RADX: variants seen among roughly 807,000 people sequenced by gnomAD.
RADX encodes RPA1 related single stranded DNA binding protein, X-linked.
A neutral mutation model predicts 61.6 loss-of-function variants in RADX; 36 were observed. The observed-to-expected ratio is 0.58, with a 90% CI of 0.45 to 0.77. The LOEUF is 0.77. RADX is among the 30% of genes least tolerant of loss of function. RADX has a pLI of 0.00. For missense variants in RADX, 497 were observed against 651.1 expected (o/e 0.76, Z 2.58); for synonymous variants, 272 against 237.9 (o/e 1.14, Z -1.32).
chrX:106,643,928 T>G (rs1603048488), intron 10 of RADX, among the ~76,000 whole-genome samples: 1 of 111,823 alleles, frequency 8.9e-6, no homozygotes, highest in East Asian at 2.8e-4. Context: ...ATTTTTCCAT[T>G]TTTGAATGTC....
intron 11 of RADX, among the ~76,000 whole-genome samples, chrX:106,650,416 A>T (rs182011104): frequency 1.3e-4 from 14 of 110,547 alleles, no homozygotes; most frequent in Non-Finnish European, 2.6e-4. Flanking sequence ...CTTGGAAAAC[A>T]ATATCTACAG....
In RADX at chrX:106,640,579, G is replaced by A; in HGVS notation, c.1762G>A (p.Ala588Thr). Residue 588 changes from alanine to threonine, a missense_variant, in exon 10 of 14, where the codon GCA (alanine) becomes ACA (threonine). Ala to Thr is a moderately conservative substitution (Grantham distance 58). Around this residue, in one of 3 missense-constraint regions of RADX, gnomAD observed 267 missense variants for 306.9 expected, o/e 0.87. Transcript: ENST00000372548. ...TGCTAACAGACCCTCGACCTCTCAA[G>A]CAGCTAGAGTAGAAATTCAAGAAAG... ...RNANRPSTSQAARVEIQERNG... is the reference protein window; with the variant it reads ...RNANRPSTSQTARVEIQERNG... 8.3e-7 allele frequency: 1 copy of A among 1,198,170 alleles called. No individual in the cohort carries two copies. The highest frequency in any genetic ancestry group is 1.1e-6 in the Non-Finnish European group (1 of 888,700).
intron 10 of RADX, among the ~76,000 whole-genome samples, chrX:106,647,925 C>T (rs1313374320): frequency 1.8e-5 from 2 of 109,785 alleles, no homozygotes; most frequent in Non-Finnish European, 3.8e-5. Context: ...GTTATTAATC[C>T]CTTGTCAGAT....
chrX:106,652,019 C>CTT (rs202037491), intron 11 of RADX, among the ~76,000 whole-genome samples: 2 of 105,676 alleles, frequency 1.9e-5, no homozygotes, highest in African/African-American at 6.9e-5. Context: ...CCATCTCTCT[C>CTT]TTTTTTTTTT....
rs138418304 is a variant in RADX, at chrX:106,638,927, A to G, written c.1574-600A>G. 5.4e-5 allele frequency among the ~76,000 whole-genome samples: 6 copies of G among 111,595 alleles called. No individual in the cohort carries two copies. The East Asian group carries it at 1.7e-3, about 31-fold the overall frequency. On this transcript the variant is annotated intron_variant, in intron 8 of 13. Coordinates refer to ENST00000372548, the MANE Select transcript of RADX (RefSeq NM_018015.6). ...AATGATATATATTGTGTTTAACACA[A>G]TTGAGTGCTATCTTTAAATATGAAA...
rs768111415 is a variant in RADX, at chrX:106,640,669, A to T, written c.1852A>T (p.Asn618Tyr). ...TCAGTATTTCCAAACTACATCTACA[A>T]ATTTAAGTCTGAGCAATAAAATAAG... is the stretch of plus-strand genomic sequence containing the variant. Reference protein sequence around the residue: ...NSQYFQTTSTNLSLSNKIRIL... With the variant: ...NSQYFQTTSTYLSLSNKIRIL... Residue 618 changes from asparagine to tyrosine, a missense_variant, in exon 10 of 14, where the codon AAT becomes TAT. Physicochemically the swap from Asn to Tyr is moderately radical, Grantham distance 143. Transcript: ENST00000372548. The T allele has an allele frequency of 1.0e-5, 12 of 1,198,092 alleles. No individual in the cohort carries two copies. The highest frequency in any genetic ancestry group is 1.4e-5 in the Non-Finnish European group (12 of 886,816).
In RADX at chrX:106,612,085, C is replaced by G. The variant is rs199854559; in HGVS notation, c.5C>G (p.Ser2Cys). Residue 2 changes from serine (S) to cysteine (C), a missense_variant, in exon 1 of 14, where the codon TCT (serine) becomes TGT (cysteine). Around this residue, in one of 3 missense-constraint regions of RADX, gnomAD observed 34 missense variants for 29.1 expected, o/e 1.17. Coordinates refer to ENST00000372548, the MANE Select transcript of RADX (RefSeq NM_018015.6). ...CGGGTACGCAGTTATCCAACAATGT[C>G]TGGTGAGTCAGGACAGCCTGAGGCT... M[S>C]GESGQPEAGP... The G allele has an allele frequency of 7.3e-5, 88 of 1,202,162 alleles. No homozygotes were observed. The highest frequency in any genetic ancestry group is 9.8e-5 in the Non-Finnish European group (87 of 891,461).
chrX:106,638,855 T>A, intron 8 of RADX, among the ~76,000 whole-genome samples: 1 of 110,698 alleles, frequency 9.0e-6, no homozygotes, highest in South Asian at 3.9e-4. Flanking sequence ...AGACACTGGG[T>A]AACTTGATAT....
chrX:106,636,404 A>C, intron 6 of RADX, 139 bp from the exon 7 acceptor site: 1 of 426,970 alleles, frequency 2.3e-6, no homozygotes, highest in South Asian at 4.3e-5. Flanking sequence ...AGACCTACTG[A>C]ATCTGAATTT....
In RADX at chrX:106,640,679, T is replaced by C; in HGVS notation, c.1862T>C (p.Leu621Pro). 1 of 1,198,798 alleles carries C rather than the reference T, an allele frequency of 8.3e-7. No homozygotes were observed. Among genetic ancestry groups the C allele is most frequent in the Non-Finnish European group, 1.1e-6 (1 of 886,776 alleles). The change falls in exon 10 of 14, where the codon CTG (leucine) becomes CCG (proline). Residue 621 changes from leucine to proline, a missense_variant. Physicochemically the swap from Leu to Pro is moderately conservative, Grantham distance 98. Coordinates refer to ENST00000372548, the MANE Select transcript of RADX (RefSeq NM_018015.6). ...CAAACTACATCTACAAATTTAAGTC[T>C]GAGCAATAAAATAAGAATTCTTCAA... ...YFQTTSTNLS[L>P]SNKIRILQGP...
rs761703204 is a variant in RADX, at chrX:106,637,753, C to T, written c.1409-7C>T. On this transcript the variant is annotated splice_region_variant and splice_polypyrimidine_tract_variant and intron_variant, in intron 7 of 13. Coordinates refer to ENST00000372548, the MANE Select transcript of RADX (RefSeq NM_018015.6). Reference sequence around the variant, plus strand: ...CATTTTTTATGATTTACCCTTCCCGCGAGGAGGTCATAGAGGCCAGCCGTA... The same window carrying T: ...CATTTTTTATGATTTACCCTTCCCGTGAGGAGGTCATAGAGGCCAGCCGTA... The T allele has an allele frequency of 8.8e-6, 10 of 1,135,085 alleles. No individual in the cohort carries two copies. The highest frequency in any genetic ancestry group is 6.9e-5 in the South Asian group (3 of 43,309). The allele number at this position is 1,135,085 out of a possible 1,213,427, so 93.5% of individuals were successfully genotyped here.
In RADX at chrX:106,632,985, T is replaced by A; in HGVS notation, c.1142T>A (p.Leu381Ter). The A allele has an allele frequency of 8.3e-7, 1 of 1,210,155 alleles. No individual in the cohort carries two copies. The highest frequency in any genetic ancestry group is 3.0e-5 in the East Asian group (1 of 33,826). ...TGCATCTGTGATGTTATTGGCCTTT[T>A]AGTTTTTGTAGGAAGGGTCCAGCGG... ...ENCICDVIGLLVFVGRVQRSK... is the reference protein window; with the variant it reads ...ENCICDVIGL Residue 381 changes from leucine to a stop codon, truncating the protein, a stop_gained, in exon 5 of 14, where the codon TTA becomes TAA. Coordinates refer to ENST00000372548, the MANE Select transcript of RADX (RefSeq NM_018015.6). LOFTEE classifies it high-confidence loss of function.
chrX:106,646,536 A>G (rs191639406), intron 10 of RADX, among the ~76,000 whole-genome samples: 35 of 111,622 alleles, frequency 3.1e-4, no homozygotes, highest in African/African-American at 1.1e-3. Flanking sequence ...GGTGAATGCC[A>G]TGATAGAAGT....
chrX:106,664,688 C>T (rs1298382295), intron 12 of RADX, among the ~76,000 whole-genome samples: 1 of 108,939 alleles, frequency 9.2e-6, no homozygotes, highest in East Asian at 2.9e-4. Context: ...GTACTGGATC[C>T]AGTGATTCTC....
intron 1 of RADX, among the ~76,000 whole-genome samples, chrX:106,619,526 A>G (rs1247075890): frequency 8.9e-6 from 1 of 111,862 alleles, no homozygotes; most frequent in Non-Finnish European, 1.9e-5. Flanking sequence ...CTGTTCTTTG[A>G]AATTTGTTAG....
chrX:106,677,150 G>T (rs1928531641), intron 13 of RADX, among the ~76,000 whole-genome samples: 1 of 111,725 alleles, frequency 9.0e-6, no homozygotes, highest in Non-Finnish European at 1.9e-5. Flanking sequence ...TTCCTTGAGG[G>T]AGCTACTGTA....
rs753088225 is a variant in RADX at position 106,612,209 on chromosome X, G to A, written c.129G>A (p.Arg43=). The stretch of plus-strand genomic sequence containing the variant: ...GAAGAGCTGGTTCCCAAGGGCCCAG[G>A]TCCTGGATCCAAAAGGTTCTTGAGC... ...VIRRAGSQGP[R]SWIQKVLEQI... The change falls in exon 1 of 14, where the codon AGG becomes AGA. Residue 43 remains arginine, a synonymous_variant. Coordinates refer to ENST00000372548, the MANE Select transcript of RADX (RefSeq NM_018015.6). 6 of 1,209,743 alleles carry A rather than the reference G, an allele frequency of 5.0e-6. No homozygotes were observed. In the African/African-American group the frequency reaches 5.3e-5, roughly 11 times the overall value.
Position 106,640,687 on chromosome X carries a change from A to T in RADX, c.1870A>T (p.Lys624Ter), listed in dbSNP as rs1471635813. 1 of 1,195,336 alleles carries T rather than the reference A, an allele frequency of 8.4e-7. No homozygotes were observed. The highest frequency in any genetic ancestry group is 1.1e-6 in the Non-Finnish European group (1 of 885,478). The stretch of plus-strand genomic sequence containing the variant: ...ATCTACAAATTTAAGTCTGAGCAAT[A>T]AAATAAGAATTCTTCAAGGCCCACA... Reference protein sequence around the residue: ...TTSTNLSLSNKIRILQGPHAN... With the variant: ...TTSTNLSLSN Residue 624 changes from lysine to a stop codon, truncating the protein, a stop_gained, in exon 10 of 14, where the codon AAA (lysine) becomes TAA (stop). Transcript: ENST00000372548. LOFTEE classifies it high-confidence loss of function.
In RADX at chrX:106,648,309, A is replaced by G; in HGVS notation, c.1905-4A>G. The G allele has an allele frequency of 8.5e-7, 1 of 1,170,419 alleles. No individual in the cohort carries two copies. The highest frequency in any genetic ancestry group is 1.8e-5 in the African/African-American group (1 of 56,976). ...ATTGGTTATACTCTTCTTATCCTTT[A>G]TAGAGTTGCTGTACCTCAACCAGGA... On this transcript the variant is annotated splice_polypyrimidine_tract_variant and splice_region_variant and intron_variant, in intron 10 of 13. Transcript: ENST00000372548.
Sources: allele counts gnomAD v4.1 joint callset (sites outside exome capture counted in the v4.1 genomes callset), GRCh38; gene constraint gnomAD v4.1.1; regional missense constraint gnomAD v4.1.1; transcripts MANE v1.5; gene names NCBI Gene and HGNC (gene_info 2026-07-23, HGNC 2026-07-21).